RBFOX1: variants seen among roughly 807,000 people sequenced by gnomAD.
RBFOX1 encodes the protein RNA binding protein fox-1 homolog 1.
A neutral mutation model predicts 57.7 loss-of-function variants in RBFOX1; 8 were observed. That is an observed-to-expected ratio of 0.14 (90% CI 0.08 to 0.25). The LOEUF (loss-of-function observed/expected upper bound fraction) is 0.25, where lower values mean the gene tolerates loss of function less well. Ranked by LOEUF, RBFOX1 falls within the 10% of genes least tolerant of loss-of-function variation. RBFOX1 has a pLI of 1.00. For synonymous variants in RBFOX1, 326 were observed against 222.4 expected, an observed-to-expected ratio of 1.47 and a Z score of -4.15; for missense variants, 611 against 548.5, an observed-to-expected ratio of 1.11 and a Z score of -1.14.
At chr16:5,638,282 C>G (rs1243009449) in intron 3 of RBFOX1, among the ~76,000 whole-genome samples, 1 of 152,102 alleles carries the variant, frequency 6.6e-6, no homozygotes, top group East Asian at 1.9e-4. Flanking sequence ...TGGGGTCCAA[C>G]CCACACATTC....
intron 2 of RBFOX1, among the ~76,000 whole-genome samples, chr16:5,522,666 C>A (rs982894363): frequency 6.6e-6 from 1 of 152,156 alleles, no homozygotes; most frequent in Admixed American, 6.5e-5. Context: ...ATTAACCAGT[C>A]TCTCTCATCT....
intron 4 of RBFOX1, among the ~76,000 whole-genome samples, chr16:7,248,590 G>A (rs540282754): frequency 1.1e-4 from 17 of 152,212 alleles, no homozygotes; most frequent in African/African-American, 3.9e-4. Context: ...TCCAGAACTA[G>A]GCATTTCTTC....
chr16:6,200,487 C>T (rs1167492114), intron 1 of RBFOX1, among the ~76,000 whole-genome samples: 1 of 152,104 alleles, frequency 6.6e-6, no homozygotes, highest in Non-Finnish European at 1.5e-5. Flanking sequence ...TGCGATAACA[C>T]AACATATGTG....
intron 4 of RBFOX1, among the ~76,000 whole-genome samples, chr16:7,200,238 G>T (rs9922397): frequency 0.63 from 95,555 of 152,060 alleles, 31,316 homozygotes; most frequent in African/African-American, 0.82. Context: ...AGATGGTAAG[G>T]ATGATACTGT....
intron 2 of RBFOX1, among the ~76,000 whole-genome samples, chr16:6,471,003 C>T (rs2095161898): frequency 6.6e-6 from 1 of 152,190 alleles, no homozygotes; most frequent in African/African-American, 2.4e-5. Context: ...TTTCTGCACA[C>T]ACGAGGGTAG....
intron 4 of RBFOX1, among the ~76,000 whole-genome samples, chr16:7,206,242 T>C (rs191008679): frequency 1.1e-3 from 169 of 152,244 alleles, no homozygotes; most frequent in African/African-American, 4.0e-3. Flanking sequence ...GACAGTAACA[T>C]CTTAGTCTTT....
intron 4 of RBFOX1, among the ~76,000 whole-genome samples, chr16:7,143,773 C>G (rs773578383): frequency 2.6e-5 from 4 of 150,954 alleles, no homozygotes; most frequent in Non-Finnish European, 5.9e-5. Context: ...GCAGTGCTTA[C>G]TGAGTATCTA....
chr16:7,286,748 C>A (rs938964580), intron 4 of RBFOX1, among the ~76,000 whole-genome samples: 1 of 151,604 alleles, frequency 6.6e-6, no homozygotes, highest in Admixed American at 6.6e-5. Flanking sequence ...CTCAGCCTCC[C>A]GAGTAGCTGG....
intron 3 of RBFOX1, among the ~76,000 whole-genome samples, chr16:6,804,045 C>T (rs528909099): frequency 1.4e-3 from 216 of 151,716 alleles, no homozygotes; most frequent in Non-Finnish European, 2.1e-3. Context: ...CTTGCACTGT[C>T]ACCCTGGCTA....
At chr16:5,431,343 T>C (rs1046997707) in intron 1 of RBFOX1, among the ~76,000 whole-genome samples, 4 of 152,336 alleles carry the variant, frequency 2.6e-5, no homozygotes, top group African/African-American at 9.6e-5. Context: ...AGTTAGGGTC[T>C]GGGTTACAGT....
At chr16:7,485,653 T>C (rs1184842619) in intron 4 of RBFOX1, among the ~76,000 whole-genome samples, 1 of 152,232 alleles carries the variant, frequency 6.6e-6, no homozygotes, top group African/African-American at 2.4e-5. Flanking sequence ...TTGTTCTATC[T>C]AAACATGTGC....
At chr16:6,270,652 A>G (rs2075102343) in intron 1 of RBFOX1, among the ~76,000 whole-genome samples, 1 of 152,182 alleles carries the variant, frequency 6.6e-6, no homozygotes, top group African/African-American at 2.4e-5. Flanking sequence ...GCTAAACACT[A>G]TTAGGAATTA....
chr16:7,149,502 T>A (rs867696075), intron 4 of RBFOX1, among the ~76,000 whole-genome samples: 1 of 56,918 alleles, frequency 1.8e-5, no homozygotes, highest in East Asian at 5.0e-4. Context: ...TTTTTTTTTT[T>A]CCCCGACAGG....
rs563989851 is a variant in RBFOX1 at position 7,275,560 on chromosome 16, C to G, written c.27+223462C>G. Among the ~76,000 whole-genome samples the G allele has an allele frequency of 3.9e-5, 6 of 152,312 alleles. No individual in the cohort carries two copies. In the East Asian group the frequency reaches 1.2e-3, roughly 29 times the overall value. The stretch of plus-strand genomic sequence containing the variant: ...TTTGCTCTTGCTGCTAATTGCTGGA[C>G]TTCTTTAGTGAAAGATTACCTGTTC... On this transcript the variant is annotated intron_variant, in intron 4 of 15. Coordinates refer to ENST00000550418, the MANE Select transcript of RBFOX1 (RefSeq NM_018723.4).
intron 4 of RBFOX1, among the ~76,000 whole-genome samples, chr16:7,129,072 G>A (rs984823050): frequency 2.6e-5 from 4 of 152,012 alleles, no homozygotes; most frequent in Non-Finnish European, 4.4e-5. Flanking sequence ...GCCCACCTCA[G>A]CCTCCCAAAG....
intron 3 of RBFOX1, among the ~76,000 whole-genome samples, chr16:5,747,623 T>G (rs2053037590): frequency 6.6e-6 from 1 of 152,030 alleles, no homozygotes; most frequent in African/African-American, 2.4e-5. Context: ...GTGTATGTGT[T>G]GAGGAATTTT....
At chr16:6,391,865 C>G (rs1043964137) in intron 2 of RBFOX1, among the ~76,000 whole-genome samples, 1 of 152,184 alleles carries the variant, frequency 6.6e-6, no homozygotes, top group Admixed American at 6.5e-5. Context: ...ATATATTGCA[C>G]TCATTACAGT....
chr16:6,264,344 T>C (rs1299407142), intron 1 of RBFOX1, among the ~76,000 whole-genome samples: 2 of 152,198 alleles, frequency 1.3e-5, no homozygotes, highest in African/African-American at 2.4e-5. Context: ...GAAGTTGCAC[T>C]GGGTATGCAG....
intron 3 of RBFOX1, among the ~76,000 whole-genome samples, chr16:5,854,246 A>T (rs1459212473): frequency 6.6e-6 from 1 of 152,208 alleles, no homozygotes; most frequent in Non-Finnish European, 1.5e-5. Flanking sequence ...AGTATTGTTC[A>T]TTGTCATCAC....
Sources: allele counts gnomAD v4.1 joint callset (sites outside exome capture counted in the v4.1 genomes callset), GRCh38; gene constraint gnomAD v4.1.1; transcripts MANE v1.5; gene names NCBI Gene and HGNC (gene_info 2026-07-23, HGNC 2026-07-21).